UMAD1: variants seen among roughly 807,000 people sequenced by gnomAD.
The protein encoded by UMAD1 is UBAP1-MVB12-associated (UMA) domain containing 1, also known as UBAP1-MVB12-associated (UMA)-domain containing protein 1.
A neutral mutation model predicts 6.1 loss-of-function variants in UMAD1; 8 were observed. The observed-to-expected ratio is 1.30, with a 90% CI of 0.76 to 2.35. The LOEUF (loss-of-function observed/expected upper bound fraction) is 2.35, where lower values mean the gene tolerates loss of function less well. Among genes scored for constraint, UMAD1 ranks in the 30% most tolerant of loss-of-function variants. The probability of loss-of-function intolerance (pLI) is 0.00; values close to 1 mark genes in which losing one functional copy is unlikely to be tolerated. For missense variants in UMAD1, 130 were observed against 78.4 expected, an observed-to-expected ratio of 1.66 and a Z score of -2.49; for synonymous variants, 56 against 31.4, an observed-to-expected ratio of 1.78 and a Z score of -2.61.
intron 3 of UMAD1, among the ~76,000 whole-genome samples, chr7:7,845,828 C>G (rs1300089746): frequency 2.0e-5 from 3 of 152,056 alleles, no homozygotes; most frequent in African/African-American, 7.2e-5. Flanking sequence ...TCATAAATTA[C>G]AAATTTTTAT....
At chr7:7,817,985 C>T (rs11767625) in intron 3 of UMAD1, among the ~76,000 whole-genome samples, 86,335 of 151,682 alleles carry the variant, frequency 0.57, 24,716 homozygotes, top group Non-Finnish European at 0.58. Flanking sequence ...AGCTAATTTT[C>T]TTTTTAAACT....
intron 3 of UMAD1, among the ~76,000 whole-genome samples, chr7:7,862,898 C>A (rs1040956206): frequency 5.9e-5 from 9 of 152,212 alleles, no homozygotes; most frequent in Middle Eastern, 3.4e-3. Context: ...AAGGCTTTAA[C>A]CAATTCAGTT....
chr7:7,860,834 A>C (rs550567433), intron 3 of UMAD1, among the ~76,000 whole-genome samples: 18 of 152,202 alleles, frequency 1.2e-4, no homozygotes, highest in Non-Finnish European at 2.4e-4. Context: ...CATTAGACAA[A>C]AGATGGAAAC....
intron 3 of UMAD1, among the ~76,000 whole-genome samples, chr7:7,831,185 T>C (rs1373440308): frequency 2.0e-5 from 3 of 152,222 alleles, no homozygotes; most frequent in African/African-American, 4.8e-5. Flanking sequence ...ACATTAGTTT[T>C]ACTCTGTTTT....
intron 3 of UMAD1, among the ~76,000 whole-genome samples, chr7:7,874,298 T>G (rs936757434): frequency 6.6e-6 from 1 of 152,226 alleles, no homozygotes; most frequent in East Asian, 1.9e-4. Context: ...CCCAGCTATC[T>G]TCCCACTTCT....
At chr7:7,803,568 C>G (rs774854219) in intron 3 of UMAD1, among the ~76,000 whole-genome samples, 1 of 152,176 alleles carries the variant, frequency 6.6e-6, no homozygotes, top group Non-Finnish European at 1.5e-5. Flanking sequence ...TTAGTGTCTT[C>G]TTTTATATGG....
At chr7:7,814,045 G>C (rs570969508) in intron 3 of UMAD1, among the ~76,000 whole-genome samples, 1 of 151,844 alleles carries the variant, frequency 6.6e-6, no homozygotes, top group South Asian at 2.1e-4. Context: ...GCACAGTGGC[G>C]TGATCTCGGC....
intron 2 of UMAD1, chr7:7,742,694 A>G: frequency 4.3e-6 from 1 of 233,032 alleles, no homozygotes; most frequent in South Asian, 5.0e-5. Flanking sequence ...AATATGAATA[A>G]TCAAACATTT....
At chr7:7,667,164 TATTAAGATGC>T (rs1779486627) in intron 1 of UMAD1, among the ~76,000 whole-genome samples, 1 of 152,174 alleles carries the variant, frequency 6.6e-6, no homozygotes, top group African/African-American at 2.4e-5. Context: ...GATCCCTGAG[TATTAAGATGC>T]ATTATAGGTT....
chr7:7,738,120 T>C (rs1298327032), intron 2 of UMAD1, among the ~76,000 whole-genome samples: 1 of 152,226 alleles, frequency 6.6e-6, no homozygotes, highest in Non-Finnish European at 1.5e-5. Flanking sequence ...TAAAAGGGTC[T>C]GTAGAATATT....
intron 2 of UMAD1, among the ~76,000 whole-genome samples, chr7:7,710,601 T>C (rs569790116): frequency 1.3e-5 from 2 of 152,276 alleles, no homozygotes; most frequent in African/African-American, 4.8e-5. Flanking sequence ...TTATTGATGA[T>C]AGGAATGTAA....
intron 2 of UMAD1, among the ~76,000 whole-genome samples, chr7:7,697,622 T>C (rs1490308338): frequency 6.6e-6 from 1 of 152,192 alleles, no homozygotes; most frequent in Admixed American, 6.5e-5. Flanking sequence ...TTTAAAGATA[T>C]TTTTATTTTT....
At chr7:7,776,437 A>T (rs1331225570) in intron 2 of UMAD1, among the ~76,000 whole-genome samples, 1 of 152,256 alleles carries the variant, frequency 6.6e-6, no homozygotes, top group Non-Finnish European at 1.5e-5. Flanking sequence ...TTATACAGAT[A>T]GAGAGCAGAT....
At chr7:7,730,209 G>C (rs1273855080) in intron 2 of UMAD1, among the ~76,000 whole-genome samples, 10 of 152,136 alleles carry the variant, frequency 6.6e-5, no homozygotes, top group Admixed American at 5.9e-4. Context: ...TCTTAACTGG[G>C]TGAATTTCAA....
At chr7:7,784,800 C>G (rs544353657) in intron 2 of UMAD1, among the ~76,000 whole-genome samples, 1 of 123,606 alleles carries the variant, frequency 8.1e-6, no homozygotes, top group Non-Finnish European at 1.6e-5. Flanking sequence ...CTTGCTGTGT[C>G]GCCCAGGCTG....
At chr7:7,795,894 T>C (rs531320668) in intron 2 of UMAD1, among the ~76,000 whole-genome samples, 68 of 152,330 alleles carry the variant, frequency 4.5e-4, no homozygotes, top group African/African-American at 1.6e-3. Flanking sequence ...TTGTGATGTT[T>C]ATCTTGTGAC....
intron 2 of UMAD1, among the ~76,000 whole-genome samples, chr7:7,679,942 C>T (rs1461274665): frequency 6.6e-6 from 1 of 151,688 alleles, no homozygotes; most frequent in Non-Finnish European, 1.5e-5. Flanking sequence ...ATTGTTCATC[C>T]ATTGTCAGAT....
chr7:7,679,990 G>T (rs905567759), intron 2 of UMAD1, among the ~76,000 whole-genome samples: 1 of 152,016 alleles, frequency 6.6e-6, no homozygotes, highest in Non-Finnish European at 1.5e-5. Context: ...TCTGTGGGTT[G>T]TCTCTTTACT....
intron 3 of UMAD1, among the ~76,000 whole-genome samples, chr7:7,846,119 T>C (rs770217724): frequency 3.3e-5 from 5 of 152,182 alleles, no homozygotes; most frequent in African/African-American, 7.2e-5. Context: ...CCTTGGGCCA[T>C]TTATTTAATG....
Sources: allele counts gnomAD v4.1 joint callset (sites outside exome capture counted in the v4.1 genomes callset), GRCh38; gene constraint gnomAD v4.1.1; transcripts MANE v1.5; gene names NCBI Gene and HGNC (gene_info 2026-07-23, HGNC 2026-07-21).